The following RBFOX1 variants were observed in gnomAD, a reference collection of about 807,000 sequenced individuals.
RBFOX1 encodes RNA binding protein fox-1 homolog 1.
A neutral mutation model predicts 57.7 loss-of-function variants in RBFOX1; 8 were observed. The ratio of observed to expected loss-of-function variants is 0.14; its 90% CI spans 0.08 to 0.25. RBFOX1 has a LOEUF of 0.25. RBFOX1 is among the 10% of genes least tolerant of loss of function. The probability of loss-of-function intolerance (pLI) is 1.00; values close to 1 mark genes in which losing one functional copy is unlikely to be tolerated. For synonymous variants in RBFOX1, 326 were observed against 222.4 expected (o/e 1.47, Z -4.15); for missense variants, 611 against 548.5 (o/e 1.11, Z -1.14).
chr16:6,811,767 T>C (rs548216256), intron 3 of RBFOX1, among the ~76,000 whole-genome samples: 16 of 152,176 alleles, frequency 1.1e-4, no homozygotes, highest in Admixed American at 2.6e-4. Flanking sequence ...TGCACGCCTG[T>C]AATCCCAACT....
intron 3 of RBFOX1, among the ~76,000 whole-genome samples, chr16:5,831,746 T>C (rs77341568): frequency 0.019 from 2,906 of 152,194 alleles, 32 homozygotes; most frequent in Non-Finnish European, 0.027. Context: ...AAACCTCTTT[T>C]CTTTATAAAT....
chr16:5,494,605 G>T (rs964313019), intron 2 of RBFOX1, among the ~76,000 whole-genome samples: 2 of 152,236 alleles, frequency 1.3e-5, no homozygotes, highest in Non-Finnish European at 2.9e-5. Context: ...GTCTTCTGGA[G>T]GCAGGTGTTC....
At chr16:6,467,763 C>G (rs1053933986) in intron 2 of RBFOX1, among the ~76,000 whole-genome samples, 2 of 152,202 alleles carry the variant, frequency 1.3e-5, no homozygotes, top group African/African-American at 4.8e-5. Flanking sequence ...TAGACCTCAT[C>G]TGCCATTAGC....
intron 1 of RBFOX1, among the ~76,000 whole-genome samples, chr16:6,131,635 A>C (rs1195691152): frequency 2.0e-5 from 3 of 152,168 alleles, no homozygotes; most frequent in African/African-American, 7.2e-5. Flanking sequence ...AAGATTCACC[A>C]TATCAACATA....
chr16:7,505,242 C>CAAAAAAAAAA (rs34767987), intron 4 of RBFOX1, among the ~76,000 whole-genome samples: 3 of 114,070 alleles, frequency 2.6e-5, no homozygotes, highest in African/African-American at 8.9e-5. Context: ...AGTGATGGAC[C>CAAAAAAAAAA]AAAAAAAAAA....
Position 7,635,357 on chromosome 16 carries a change from A to G in RBFOX1, c.757+4674A>G, listed in dbSNP as rs367615370. Among the ~76,000 whole-genome samples, 8 of 152,318 alleles carry G rather than the reference A, an allele frequency of 5.3e-5. No homozygotes were observed. In the South Asian group the frequency reaches 8.3e-4, roughly 16 times the overall value. The stretch of plus-strand genomic sequence containing the variant: ...AAATGTTTATTTTGTTTTCTTCAGG[A>G]TTTTATGAATATGTTTTAAATTACA... On this transcript the variant is annotated intron_variant, in intron 11 of 15. Transcript: ENST00000550418.
At chr16:5,357,778 T>C (rs953006719) in intron 1 of RBFOX1, among the ~76,000 whole-genome samples, 2 of 152,208 alleles carry the variant, frequency 1.3e-5, no homozygotes, top group African/African-American at 4.8e-5. Flanking sequence ...GCTTAAGACA[T>C]CACAGGGAAT....
intron 1 of RBFOX1, among the ~76,000 whole-genome samples, chr16:6,159,372 C>T (rs573507277): frequency 3.9e-5 from 6 of 152,156 alleles, no homozygotes; most frequent in East Asian, 1.9e-4. Context: ...CCACCGCACA[C>T]GGCCTCTGTC....
chr16:6,167,266 A>G (rs2096924954), intron 1 of RBFOX1, among the ~76,000 whole-genome samples: 3 of 152,138 alleles, frequency 2.0e-5, no homozygotes, highest in Admixed American at 2.0e-4. Context: ...CTCTTTGATA[A>G]TCTTTCTTAC....
At chr16:5,756,372 A>G (rs1277055905) in intron 3 of RBFOX1, among the ~76,000 whole-genome samples, 1 of 152,138 alleles carries the variant, frequency 6.6e-6, no homozygotes, top group Non-Finnish European at 1.5e-5. Flanking sequence ...TGGAAAAGCT[A>G]CAGACATGGC....
chr16:6,094,565 A>C (rs1460397581), intron 1 of RBFOX1, among the ~76,000 whole-genome samples: 1 of 152,218 alleles, frequency 6.6e-6, no homozygotes, highest in Admixed American at 6.5e-5. Flanking sequence ...GAAATAAAAG[A>C]AAGGGCTAGT....
chr16:7,379,295 A>G (rs948362359), intron 4 of RBFOX1, among the ~76,000 whole-genome samples: 4 of 152,206 alleles, frequency 2.6e-5, no homozygotes, highest in African/African-American at 4.8e-5. Context: ...TTTCTGTCCA[A>G]AAGAGTATCT....
In RBFOX1 at chr16:7,178,077, T is replaced by G. The variant is rs775591519; in HGVS notation, c.27+125979T>G. On this transcript the variant is annotated intron_variant, in intron 4 of 15. Transcript: ENST00000550418. ...TACAGATGCAGAAAGTCAGTATGTG[T>G]CAGGATATGCTGCTGTTACAAATAA... Among the ~76,000 whole-genome samples the G allele has an allele frequency of 5.6e-4, 86 of 152,308 alleles. 1 individual carries two copies. Among genetic ancestry groups the G allele is most frequent in the Non-Finnish European group, 9.6e-4 (65 of 68,022 alleles).
intron 3 of RBFOX1, among the ~76,000 whole-genome samples, chr16:7,026,569 C>T (rs976773068): frequency 2.0e-5 from 3 of 152,134 alleles, no homozygotes; most frequent in South Asian, 2.1e-4. Context: ...TTCTCCCCGT[C>T]CCCTCTCCTG....
At chr16:5,329,303 T>A (rs1049937987) in intron 1 of RBFOX1, among the ~76,000 whole-genome samples, 2 of 152,146 alleles carry the variant, frequency 1.3e-5, no homozygotes, top group Non-Finnish European at 2.9e-5. Context: ...TCGAGAAACT[T>A]ACAGTCATGG....
intron 3 of RBFOX1, among the ~76,000 whole-genome samples, chr16:6,861,858 G>A (rs548379305): frequency 5.4e-3 from 197 of 36,750 alleles, no homozygotes; most frequent in African/African-American, 0.026. Context: ...TTTTTTTTTG[G>A]TCTAGCTTGC....
At chr16:5,935,220 A>C (rs1454651615) in intron 4 of RBFOX1, among the ~76,000 whole-genome samples, 1 of 152,166 alleles carries the variant, frequency 6.6e-6, no homozygotes, top group East Asian at 1.9e-4. Flanking sequence ...GGAAAATTTG[A>C]GCTATAGTGA....
At chr16:6,720,017 C>G (rs1393358821) in intron 3 of RBFOX1, among the ~76,000 whole-genome samples, 2 of 151,958 alleles carry the variant, frequency 1.3e-5, no homozygotes, top group Non-Finnish European at 1.5e-5. Context: ...TCGCTTGAAC[C>G]TGGGAGGCAG....
chr16:7,037,518 C>G (rs2044863952), intron 3 of RBFOX1, among the ~76,000 whole-genome samples: 1 of 152,138 alleles, frequency 6.6e-6, no homozygotes, highest in Non-Finnish European at 1.5e-5. Flanking sequence ...TGAGGCACGT[C>G]CAGTCCACTG....
Sources: gnomAD v4.1 joint callset for allele counts (sites outside exome capture counted in the v4.1 genomes callset) on GRCh38, gnomAD v4.1.1 for gene constraint, MANE v1.5 for transcripts, NCBI Gene and HGNC (gene_info 2026-07-23, HGNC 2026-07-21) for gene names.